Variants in ATG7 observed in about 807,000 individuals in gnomAD.
ATG7 encodes the protein autophagy related 7.
ATG7 carries 70 observed loss-of-function variants against 82.4 expected under a neutral mutation model. The ratio of observed to expected loss-of-function variants is 0.85; its 90% CI spans 0.70 to 1.04. The LOEUF is 1.04. Among genes scored for constraint, ATG7 ranks in the 50% least tolerant of loss-of-function variants. The pLI, the probability that ATG7 is intolerant of heterozygous loss-of-function variation, is 0.00. For missense variants in ATG7, 792 were observed against 864.3 expected, an observed-to-expected ratio of 0.92 and a Z score of 1.05; for synonymous variants, 287 against 313.0, an observed-to-expected ratio of 0.92 and a Z score of 0.88.
chr3:11,363,914 G>A (rs1008102415), intron 17 of ATG7, among the ~76,000 whole-genome samples: 8 of 152,106 alleles, frequency 5.3e-5, no homozygotes, highest in African/African-American at 1.7e-4. Context: ...AATGAAAAGC[G>A]GGGCTTTTTT....
At chr3:11,575,688 G>A in the ATG7 span, among the ~76,000 whole-genome samples, 23 of 152,344 alleles carry the variant, frequency 1.5e-4, no homozygotes, top group African/African-American at 3.8e-4. Flanking sequence ...TGTCGGAAAC[G>A]CTGCTGCTGG....
chr3:11,423,001 C>T (rs2152935607), intron 19 of ATG7, among the ~76,000 whole-genome samples: 1 of 152,188 alleles, frequency 6.6e-6, no homozygotes, highest in East Asian at 1.9e-4. Context: ...GTGATCCACC[C>T]ACCTTGGCCT....
chr3:11,560,353 C>A (rs2072872866), downstream of ATG7, among the ~76,000 whole-genome samples: 1 of 152,218 alleles, frequency 6.6e-6, no homozygotes, highest in Non-Finnish European at 1.5e-5. Flanking sequence ...TTCCAATACC[C>A]CCGAGGACAA....
downstream of ATG7, among the ~76,000 whole-genome samples, chr3:11,561,540 C>A (rs1430546399): frequency 5.3e-5 from 8 of 152,200 alleles, no homozygotes; most frequent in Non-Finnish European, 1.2e-4. Context: ...TCCACCACCC[C>A]TCCTCCCCAG....
chr3:11,339,295 C>CAA (rs1036935586), intron 11 of ATG7, among the ~76,000 whole-genome samples: 323 of 89,690 alleles, frequency 3.6e-3, no homozygotes, highest in African/African-American at 6.0e-3. Context: ...GACTCTGTTT[C>CAA]AAAAAAAAAA....
At chr3:11,431,262 G>A (rs1411868033) in intron 20 of ATG7, among the ~76,000 whole-genome samples, 1 of 152,218 alleles carries the variant, frequency 6.6e-6, no homozygotes, top group African/African-American at 2.4e-5. Flanking sequence ...TTAGCTGGGT[G>A]TGGTGGCATG....
intron 20 of ATG7, among the ~76,000 whole-genome samples, chr3:11,548,495 C>T (rs1227122327): frequency 6.6e-6 from 1 of 152,206 alleles, no homozygotes; most frequent in Non-Finnish European, 1.5e-5. Flanking sequence ...AAGGCATGCT[C>T]AGAGCAGTCT....
rs565102710 is a variant in ATG7 at position 11,325,834 on chromosome 3, C to T, written c.679-5506C>T. On this transcript the variant is annotated intron_variant, in intron 9 of 20. Transcript: ENST00000693202. ...TTGTAACTCAGTGTCTCTGTAGGAA[C>T]GGCATTTTCTAGATTGATACTGCCT... Among the ~76,000 whole-genome samples, 52 of 152,262 alleles carry T rather than the reference C, an allele frequency of 3.4e-4. 1 individual carries two copies. The highest frequency in any genetic ancestry group is 5.3e-4 in the African/African-American group (22 of 41,550).
chr3:11,467,479 C>T (rs777832350), intron 20 of ATG7, among the ~76,000 whole-genome samples: 10 of 152,294 alleles, frequency 6.6e-5, no homozygotes, highest in Non-Finnish European at 1.0e-4. Context: ...CAGCTTCAAG[C>T]GATTCTTCTG....
intron 20 of ATG7, among the ~76,000 whole-genome samples, chr3:11,445,913 T>TA (rs1242287231): frequency 1.3e-5 from 2 of 152,194 alleles, no homozygotes; most frequent in Non-Finnish European, 1.5e-5. Context: ...ACGTCTTATG[T>TA]ATATTACTTA....
chr3:11,342,422 T>A, intron 13 of ATG7, 143 bp downstream of exon 13: 1 of 1,143,398 alleles, frequency 8.7e-7, no homozygotes. Flanking sequence ...CTTATCTTTT[T>A]AAGTGTAAAA....
At chr3:11,370,494 G>A (rs2152828846) in intron 18 of ATG7, among the ~76,000 whole-genome samples, 1 of 151,380 alleles carries the variant, frequency 6.6e-6, no homozygotes, top group South Asian at 2.1e-4. Flanking sequence ...TCGATCTGGA[G>A]TTTGGAGTTA....
intron 20 of ATG7, among the ~76,000 whole-genome samples, chr3:11,538,681 A>T (rs2070538782): frequency 1.0e-4 from 2 of 19,410 alleles, no homozygotes; most frequent in Non-Finnish European, 2.8e-4. Context: ...CGTCTCTAAA[A>T]AAAAAAAAAA....
At chr3:11,396,618 A>C (rs1404351799) in intron 19 of ATG7, among the ~76,000 whole-genome samples, 6 of 152,070 alleles carry the variant, frequency 3.9e-5, no homozygotes, top group African/African-American at 1.4e-4. Flanking sequence ...CTCTACAAAA[A>C]ATACAAACTA....
chr3:11,531,911 A>G (rs1401113404), intron 20 of ATG7, among the ~76,000 whole-genome samples: 1 of 151,382 alleles, frequency 6.6e-6, no homozygotes, highest in Non-Finnish European at 1.5e-5. Flanking sequence ...AGCAGCTAAC[A>G]TTTATTGAGT....
Position 11,451,985 on chromosome 3 carries a change from A to G in ATG7, c.2079+25059A>G, listed in dbSNP as rs151205133. On this transcript the variant is annotated intron_variant, in intron 20 of 20. Coordinates refer to ENST00000693202, the MANE Select transcript of ATG7 (RefSeq NM_001349232.2). ...TTCAGAATAGACAATCCATAGAAAC[A>G]TAAAAACAGATTCATGGTCACCAGG... 5.7e-3 allele frequency among the ~76,000 whole-genome samples: 848 copies of G among 148,988 alleles called. 3 individuals carry two copies. Among genetic ancestry groups the G allele is most frequent in the Non-Finnish European group, 8.1e-3 (551 of 67,738 alleles).
chr3:11,438,922 G>A (rs931127586), intron 20 of ATG7, among the ~76,000 whole-genome samples: 26 of 152,128 alleles, frequency 1.7e-4, no homozygotes, highest in African/African-American at 5.6e-4. Flanking sequence ...TCTAGGGGCT[G>A]TATTTTTACA....
intron 20 of ATG7, among the ~76,000 whole-genome samples, chr3:11,553,751 A>T (rs551584403): frequency 6.6e-6 from 1 of 152,292 alleles, no homozygotes; most frequent in African/African-American, 2.4e-5. Context: ...GCCTCCCCTC[A>T]GCCTGGGAGC....
At chr3:11,375,711 C>G (rs1447707225) in intron 18 of ATG7, among the ~76,000 whole-genome samples, 1 of 152,182 alleles carries the variant, frequency 6.6e-6, no homozygotes, top group Non-Finnish European at 1.5e-5. Flanking sequence ...AGGCATGTAC[C>G]ACAACACCTG....
Sources: allele counts gnomAD v4.1 joint callset (sites outside exome capture counted in the v4.1 genomes callset), GRCh38; gene constraint gnomAD v4.1.1; transcripts MANE v1.5; gene names NCBI Gene and HGNC (gene_info 2026-07-23, HGNC 2026-07-21).